Variants in CLEC20A observed in about 807,000 individuals in gnomAD.
CLEC20A encodes putative C-type lectin domain family 20 member A.
chr1:178,493,313 C>T (rs1387600813), intron 2 of CLEC20A, among the ~76,000 whole-genome samples: 16 of 152,244 alleles, frequency 1.1e-4, no homozygotes, highest in African/African-American at 3.6e-4. Flanking sequence ...AGGCAGCCAC[C>T]ACCTGCTACT....
chr1:178,486,946 G>T (rs1250407221), intron 5 of CLEC20A: 1 of 397,078 alleles, frequency 2.5e-6, no homozygotes. Flanking sequence ...GGAAGCGCGC[G>T]AGTAGGAGGT....
chr1:178,497,971 G>A (rs1359585056), upstream of CLEC20A, among the ~76,000 whole-genome samples: 1 of 151,922 alleles, frequency 6.6e-6, no homozygotes, highest in African/African-American at 2.4e-5. Flanking sequence ...CGGGTGAGGA[G>A]GGAGAAGGAG....
chr1:178,491,156 A>G (rs1260438178), intron 3 of CLEC20A, among the ~76,000 whole-genome samples: 1 of 152,210 alleles, frequency 6.6e-6, no homozygotes, highest in Admixed American at 6.5e-5. Context: ...GGACTGGGCC[A>G]GGTCCTGAGG....
chr1:178,497,351 C>G (rs1649424084), upstream of CLEC20A, among the ~76,000 whole-genome samples: 1 of 152,216 alleles, frequency 6.6e-6, no homozygotes, highest in South Asian at 2.1e-4. Flanking sequence ...AAAAATATTA[C>G]TCTAACTTGC....
intron 5 of CLEC20A, chr1:178,486,502 G>C (rs915610575): frequency 1.2e-4 from 46 of 398,748 alleles, no homozygotes; most frequent in South Asian, 2.5e-4. Flanking sequence ...TGCAGAGTCA[G>C]GGGGTGCAGT....
chr1:178,481,539 T>C (rs926095746), intron 7 of CLEC20A: 4 of 152,206 alleles, frequency 2.6e-5, no homozygotes, highest in African/African-American at 7.2e-5. Flanking sequence ...TTGAAGCTTT[T>C]CTCTCAGTAT....
At chr1:178,486,606 G>A in intron 5 of CLEC20A, 1 of 398,706 alleles carries the variant, frequency 2.5e-6, no homozygotes, top group Non-Finnish European at 4.4e-6. Context: ...GGGAGCCGAG[G>A]CCCCGGCTGG....
upstream of CLEC20A, among the ~76,000 whole-genome samples, chr1:178,498,376 G>T (rs1649448705): frequency 6.6e-6 from 1 of 152,120 alleles, no homozygotes; most frequent in African/African-American, 2.4e-5. Flanking sequence ...AGGGTTGTTT[G>T]TGCCCAGGAA....
At chr1:178,481,437 TG>T (rs1648982156) in intron 7 of CLEC20A, 2 of 152,202 alleles carry the variant, frequency 1.3e-5, no homozygotes, top group Non-Finnish European at 2.9e-5. Flanking sequence ...TGTGGCTAAA[TG>T]GTGTATAGGG....
intron 7 of CLEC20A, chr1:178,479,919 G>GA (rs1019623111): frequency 9.1e-5 from 13 of 143,140 alleles, no homozygotes; most frequent in South Asian, 2.6e-4. Context: ...AAAAAAAAAA[G>GA]AAAAAAAACA....
chr1:178,482,082 C>CAAAAAAA (rs1297176109), intron 7 of CLEC20A: 1 of 354,176 alleles, frequency 2.8e-6, no homozygotes, highest in Admixed American at 4.7e-5. Flanking sequence ...AACAAAAAAA[C>CAAAAAAA]AAAAAAACAA....
intron 1 of CLEC20A, chr1:178,496,550 C>T (rs1649398924): frequency 3.8e-6 from 1 of 263,818 alleles, no homozygotes; most frequent in East Asian, 6.5e-5. Flanking sequence ...ACGCCCGTCC[C>T]TGTCCACACC....
intron 5 of CLEC20A, chr1:178,483,872 A>G (rs1180084774): frequency 1.3e-5 from 2 of 152,230 alleles, no homozygotes; most frequent in African/African-American, 4.8e-5. Flanking sequence ...TCAAATATGG[A>G]AATAATCCTT....
At chr1:178,486,300 C>G (rs111697995) in intron 5 of CLEC20A, 3 of 397,680 alleles carry the variant, frequency 7.5e-6, no homozygotes, top group Admixed American at 4.4e-5. Context: ...CCACACCCCA[C>G]CTCTCATCCT....
chr1:178,496,515 GC>G (rs1202783068), intron 1 of CLEC20A: 6 of 199,422 alleles, frequency 3.0e-5, no homozygotes, highest in Non-Finnish European at 5.0e-5. Flanking sequence ...AACCCTTGCC[GC>G]CCCCTGGTCC....
At chr1:178,490,211 C>A in exon 4 of CLEC20A, 1 of 398,858 alleles carries the variant, frequency 2.5e-6, no homozygotes, top group Non-Finnish European at 4.4e-6. Flanking sequence ...TGCTGGCCCC[C>A]AGGTCACTGG....
At chr1:178,490,840 A>C (rs986475962) in intron 3 of CLEC20A, among the ~76,000 whole-genome samples, 6 of 152,236 alleles carry the variant, frequency 3.9e-5, no homozygotes, top group Non-Finnish European at 8.8e-5. Flanking sequence ...GGTAGTGACC[A>C]TTTCGGGGGA....
intron 3 of CLEC20A, among the ~76,000 whole-genome samples, chr1:178,491,373 G>A (rs938951664): frequency 7.2e-5 from 11 of 152,166 alleles, no homozygotes; most frequent in Non-Finnish European, 1.2e-4. Context: ...CCCAAACTCG[G>A]ACATGAGCCT....
At chr1:178,481,793 G>A (rs1357632929) in intron 7 of CLEC20A, 1 of 152,174 alleles carries the variant, frequency 6.6e-6, no homozygotes, top group Admixed American at 6.5e-5. Flanking sequence ...TTGCACTCCA[G>A]CCAAGGTGGA....
Sources: allele counts gnomAD v4.1 joint callset (sites outside exome capture counted in the v4.1 genomes callset), GRCh38; gene constraint gnomAD v4.1.1; transcripts MANE v1.5; gene names NCBI Gene and HGNC (gene_info 2026-07-23, HGNC 2026-07-21).